The following EML4 variants were observed in gnomAD, a reference collection of about 807,000 sequenced individuals.
EML4 encodes the protein EMAP like 4, also known as echinoderm microtubule-associated protein-like 4.
Under a neutral mutation model 129.0 loss-of-function variants are expected in EML4, and 72 were observed. The observed-to-expected ratio is 0.56, with a 90% CI of 0.46 to 0.68. The LOEUF (loss-of-function observed/expected upper bound fraction) is 0.68, where lower values mean the gene tolerates loss of function less well. Ranked by LOEUF, EML4 falls within the 30% of genes least tolerant of loss-of-function variation. The pLI, the probability that EML4 is intolerant of heterozygous loss-of-function variation, is 0.00. For synonymous variants in EML4, 532 were observed against 405.0 expected (o/e 1.31, Z -3.77); for missense variants, 1,363 against 1,190.6 (o/e 1.14, Z -2.13).
chr2:42,261,325 G>A (rs1381207168), intron 4 of EML4, 31 bp downstream of exon 4: 2 of 1,572,026 alleles, frequency 1.3e-6, no homozygotes, highest in Non-Finnish European at 1.7e-6. Flanking sequence ...CAGAGCTAGG[G>A]AATGGTTGTA....
intron 11 of EML4, among the ~76,000 whole-genome samples, chr2:42,292,744 C>G (rs950993565): frequency 6.6e-6 from 1 of 151,776 alleles, no homozygotes. Flanking sequence ...AATCTGTGTG[C>G]ATATATATAT....
rs748507933 is a variant in EML4, at chr2:42,295,532, A to G, written c.1489+16A>G. ...GGACCTAAAGGTACAGTATTCTTAT[A>G]TTAAACTCATTTCTGGTAATTCTCA... On this transcript the variant is annotated intron_variant, in intron 13 of 22. Transcript: ENST00000318522. 1.2e-5 allele frequency: 20 copies of G among 1,603,704 alleles called. No homozygotes were observed. Among genetic ancestry groups the G allele is most frequent in the Non-Finnish European group, 1.7e-5 (20 of 1,176,586 alleles).
At chr2:42,175,792 C>T (rs1372579227) in intron 1 of EML4, among the ~76,000 whole-genome samples, 1 of 152,044 alleles carries the variant, frequency 6.6e-6, no homozygotes, top group Non-Finnish European at 1.5e-5. Context: ...AGTCACCATG[C>T]CCAGCATCAT....
At chr2:42,185,720 G>A (rs184949489) in intron 1 of EML4, among the ~76,000 whole-genome samples, 13 of 152,230 alleles carry the variant, frequency 8.5e-5, no homozygotes, top group African/African-American at 2.9e-4. Flanking sequence ...AGCTGTTGGG[G>A]GAAACCACTA....
chr2:42,230,443 G>T (rs1355064678), intron 1 of EML4, among the ~76,000 whole-genome samples: 1 of 151,882 alleles, frequency 6.6e-6, no homozygotes, highest in East Asian at 1.9e-4. Flanking sequence ...GTCTTTTACT[G>T]TTGCACAGGC....
At chr2:42,250,453 G>A (rs981829895) in intron 2 of EML4, among the ~76,000 whole-genome samples, 1 of 152,136 alleles carries the variant, frequency 6.6e-6, no homozygotes, top group Non-Finnish European at 1.5e-5. Flanking sequence ...AATTGCCTTG[G>A]TGGGACCCTT....
chr2:42,202,154 G>T (rs140648599), intron 1 of EML4, among the ~76,000 whole-genome samples: 1 of 152,110 alleles, frequency 6.6e-6, no homozygotes, highest in Admixed American at 6.5e-5. Flanking sequence ...ACAGGGAAAG[G>T]AGAGGCGTTG....
intron 17 of EML4, 28 bp downstream of exon 17, chr2:42,304,579 C>G: frequency 6.5e-7 from 1 of 1,548,078 alleles, no homozygotes; most frequent in Non-Finnish European, 8.9e-7. Context: ...ACTGAGTAAT[C>G]TGAAGTGGTG....
chr2:42,281,121 C>A, intron 7 of EML4, 148 bp downstream of exon 7: 1 of 656,638 alleles, frequency 1.5e-6, no homozygotes, highest in African/African-American at 1.8e-5. Flanking sequence ...AGGCCAGGCG[C>A]GGTGGTTCAC....
Position 42,170,830 on chromosome 2 carries a change from A to G in EML4, c.25+1194A>G, listed in dbSNP as rs149584547. 7.4e-3 allele frequency among the ~76,000 whole-genome samples: 1,120 copies of G among 152,370 alleles called. 12 individuals carry two copies. The highest frequency in any genetic ancestry group is 0.026 in the African/African-American group (1,074 of 41,590). On this transcript the variant is annotated intron_variant, in intron 1 of 22. Transcript: ENST00000318522. ...GGTTAATGTTCACTGATCAGTGAGCAGTCTGGCCATAGGCCGTACTATATC... is the reference window on the plus strand; with the variant it reads ...GGTTAATGTTCACTGATCAGTGAGCGGTCTGGCCATAGGCCGTACTATATC...
chr2:42,328,199 C>T (rs180932107), intron 21 of EML4, among the ~76,000 whole-genome samples: 1 of 152,328 alleles, frequency 6.6e-6, no homozygotes, highest in East Asian at 1.9e-4. Context: ...TCTAGAGTAG[C>T]ATTCAACCAC....
chr2:42,292,883 G>C (rs760175983), intron 11 of EML4, among the ~76,000 whole-genome samples: 2 of 152,018 alleles, frequency 1.3e-5, no homozygotes, highest in Non-Finnish European at 1.5e-5. Context: ...TAGCATGATG[G>C]GTATGCTGGG....
intron 1 of EML4, among the ~76,000 whole-genome samples, chr2:42,194,399 G>T (rs1384688550): frequency 1.5e-5 from 2 of 129,378 alleles, no homozygotes; most frequent in Non-Finnish European, 1.6e-5. Flanking sequence ...CTTGTACTAT[G>T]GAAACAAATT....
intron 1 of EML4, among the ~76,000 whole-genome samples, chr2:42,222,867 C>T (rs1192612695): frequency 3.9e-5 from 6 of 152,044 alleles, no homozygotes; most frequent in African/African-American, 7.2e-5. Flanking sequence ...GGTGCAATCT[C>T]GGCTCACTGC....
chr2:42,195,567 G>A (rs1028797006), intron 1 of EML4, among the ~76,000 whole-genome samples: 1 of 152,148 alleles, frequency 6.6e-6, no homozygotes, highest in Non-Finnish European at 1.5e-5. Flanking sequence ...GTTTGCATAT[G>A]CTTGTGCCAA....
At chr2:42,278,805 A>G (rs564513308) in intron 6 of EML4, among the ~76,000 whole-genome samples, 1 of 150,306 alleles carries the variant, frequency 6.7e-6, no homozygotes, top group South Asian at 2.1e-4. Context: ...GCATGGTGGC[A>G]CATGCCTATA....
chr2:42,250,140 T>C lies in EML4; in HGVS notation c.208+4453T>C, dbSNP rs571752092. ...ACACAATGATACGGAAGTTAAAAAG[T>C]TAAATTTATCTGAAGTTGGCAGTCA... On this transcript the variant is annotated intron_variant, in intron 2 of 22. Coordinates refer to ENST00000318522, the MANE Select transcript of EML4 (RefSeq NM_019063.5). Among the ~76,000 whole-genome samples the C allele has an allele frequency of 4.5e-4, 69 of 152,266 alleles. 1 individual carries two copies. The South Asian group carries it at 0.014, about 30-fold the overall frequency.
intron 2 of EML4, among the ~76,000 whole-genome samples, chr2:42,249,616 G>T (rs142301809): frequency 1.3e-5 from 2 of 152,166 alleles, no homozygotes; most frequent in African/African-American, 4.8e-5. Flanking sequence ...ATGAAATTCT[G>T]CTACGTTGCT....
intron 1 of EML4, among the ~76,000 whole-genome samples, chr2:42,177,798 T>G (rs974975301): frequency 6.6e-6 from 1 of 152,192 alleles, no homozygotes; most frequent in Admixed American, 6.5e-5. Context: ...GAAATCAGTT[T>G]AGTCGTGGTC....
Sources: gnomAD v4.1 joint callset for allele counts (sites outside exome capture counted in the v4.1 genomes callset) on GRCh38, gnomAD v4.1.1 for gene constraint, MANE v1.5 for transcripts, NCBI Gene and HGNC (gene_info 2026-07-23, HGNC 2026-07-21) for gene names.